Variants in APP observed in about 807,000 individuals in gnomAD.
APP encodes the protein amyloid-beta precursor protein.
A neutral mutation model predicts 101.4 loss-of-function variants in APP; 31 were observed. That is an observed-to-expected ratio of 0.31 (90% CI 0.23 to 0.41). APP has a LOEUF of 0.41. APP is among the 10% of genes least tolerant of loss of function. APP has a pLI of 1.00. For synonymous variants in APP, 366 were observed against 364.4 expected, an observed-to-expected ratio of 1.00 and a Z score of -0.05; for missense variants, 839 against 1,003.7, an observed-to-expected ratio of 0.84 and a Z score of 2.22.
intron 16 of APP, among the ~76,000 whole-genome samples, chr21:25,895,595 C>T (rs1206387125): frequency 6.6e-6 from 1 of 152,128 alleles, no homozygotes; most frequent in Non-Finnish European, 1.5e-5. Context: ...TCAATTTAGC[C>T]TCAAGGTAGT....
At chr21:25,989,728 T>A (rs575683882) in intron 8 of APP, among the ~76,000 whole-genome samples, 1 of 152,190 alleles carries the variant, frequency 6.6e-6, no homozygotes, top group Non-Finnish European at 1.5e-5. Context: ...TGCCTTATCA[T>A]TGAAAATGCT....
intron 13 of APP, chr21:25,945,779 C>G (rs777082494): frequency 4.9e-6 from 2 of 412,222 alleles, no homozygotes; most frequent in Non-Finnish European, 9.8e-6. Flanking sequence ...CCTCAGCCAC[C>G]CCAGGCTCAG....
rs576459998 is a variant in APP, at chr21:26,000,243, T to C, written c.866-61A>G. 351 of 1,597,168 alleles carry C rather than the reference T, an allele frequency of 2.2e-4. 2 individuals are homozygous for C. The South Asian group carries it at 3.4e-3, about 16-fold the overall frequency. Reference sequence around the variant, plus strand: ...TGAAAAGGCACTGTCTCTCTGTTCATGTATACACGTTTACTTCTTTTAATC... The same window carrying C: ...TGAAAAGGCACTGTCTCTCTGTTCACGTATACACGTTTACTTCTTTTAATC... On this transcript the variant is annotated intron_variant, in intron 6 of 17. Coordinates refer to ENST00000346798, the MANE Select transcript of APP (RefSeq NM_000484.4).
rs45573637 is a variant in APP at position 25,891,184 on chromosome 21, G to A, written c.2211+538C>T. Among the ~76,000 whole-genome samples, 805 of 151,572 alleles carry A rather than the reference G, an allele frequency of 5.3e-3. 11 individuals are homozygous for A. Among genetic ancestry groups the A allele is most frequent in the African/African-American group, 0.018 (753 of 40,894 alleles). ...GAACTCTCAAATAACAATCATGTAT[G>A]TTTTGGTGGGCCATTTGGTATAGTG... On this transcript the variant is annotated intron_variant, in intron 17 of 17. Transcript: ENST00000346798.
rs866145781 is a variant in APP at position 26,059,060 on chromosome 21, G to C, written c.356-5712C>G. 3.3e-5 allele frequency among the ~76,000 whole-genome samples: 5 copies of C among 150,950 alleles called. No homozygotes were observed. The East Asian group carries it at 7.8e-4, about 24-fold the overall frequency. On this transcript the variant is annotated intron_variant, in intron 3 of 17. Transcript: ENST00000346798. The stretch of plus-strand genomic sequence containing the variant: ...CGCGCCACTGCACTCCAGCCTGGGC[G>C]ACAGAGCGAGACTCCGTCTCAAAAA...
chr21:26,139,903 C>T (rs2063003094), intron 1 of APP, among the ~76,000 whole-genome samples: 1 of 151,930 alleles, frequency 6.6e-6, no homozygotes, highest in African/African-American at 2.4e-5. Flanking sequence ...AACAAACAAA[C>T]AAACAAACAA....
At chr21:26,026,977 G>A (rs2044606976) in intron 5 of APP, among the ~76,000 whole-genome samples, 1 of 152,188 alleles carries the variant, frequency 6.6e-6, no homozygotes, top group African/African-American at 2.4e-5. Flanking sequence ...AGTACCTTCT[G>A]CCTAATTTTG....
chr21:26,124,669 T>A (rs1447098468), intron 1 of APP, among the ~76,000 whole-genome samples: 1 of 152,204 alleles, frequency 6.6e-6, no homozygotes, highest in African/African-American at 2.4e-5. Flanking sequence ...TGTACAAAAA[T>A]ACAGCTGAAA....
chr21:26,010,450 C>G (rs988209833), intron 6 of APP, among the ~76,000 whole-genome samples: 3 of 151,864 alleles, frequency 2.0e-5, no homozygotes, highest in African/African-American at 7.3e-5. Flanking sequence ...TTTTCTTATA[C>G]AATAAAAAAT....
intron 13 of APP, among the ~76,000 whole-genome samples, chr21:25,938,660 T>G (rs965693626): frequency 3.3e-5 from 5 of 152,198 alleles, no homozygotes; most frequent in African/African-American, 9.6e-5. Flanking sequence ...GTGCTTCACT[T>G]GGCCCCAATT....
intron 11 of APP, among the ~76,000 whole-genome samples, chr21:25,970,640 A>C (rs1271718489): frequency 6.6e-6 from 1 of 152,158 alleles, no homozygotes; most frequent in African/African-American, 2.4e-5. Flanking sequence ...GCTAATATGA[A>C]TATTCTTTTT....
chr21:26,027,559 G>A (rs904167719), intron 5 of APP, among the ~76,000 whole-genome samples: 2 of 152,066 alleles, frequency 1.3e-5, no homozygotes, highest in Non-Finnish European at 2.9e-5. Context: ...AAACACAAGG[G>A]GACACATCAC....
intron 3 of APP, among the ~76,000 whole-genome samples, chr21:26,084,226 C>CTTTTTT (rs2061654933): frequency 9.2e-6 from 1 of 108,508 alleles, no homozygotes; most frequent in Non-Finnish European, 1.9e-5. Flanking sequence ...AGAAGGGCTC[C>CTTTTTT]ATTTTTTTTT....
At chr21:26,020,806 G>T (rs905553713) in intron 6 of APP, among the ~76,000 whole-genome samples, 6 of 152,094 alleles carry the variant, frequency 3.9e-5, no homozygotes, top group African/African-American at 9.7e-5. Flanking sequence ...GTAACATTTG[G>T]TCATTTAATA....
At chr21:25,926,306 A>C (rs567340791) in intron 13 of APP, among the ~76,000 whole-genome samples, 2 of 152,348 alleles carry the variant, frequency 1.3e-5, no homozygotes, top group Non-Finnish European at 2.9e-5. Flanking sequence ...CTAGTGAGTA[A>C]ATATACTAAA....
chr21:26,077,776 A>G (rs1439712726), intron 3 of APP, among the ~76,000 whole-genome samples: 1 of 122,780 alleles, frequency 8.1e-6, no homozygotes, highest in Non-Finnish European at 1.8e-5. Context: ...CAGGAGAAGG[A>G]AAAAAAAAAA....
intron 16 of APP, among the ~76,000 whole-genome samples, chr21:25,897,313 A>C (rs550503401): frequency 6.6e-6 from 1 of 152,120 alleles, no homozygotes; most frequent in African/African-American, 2.4e-5. Flanking sequence ...ATGGGGTTTC[A>C]CCATATTGGC....
chr21:26,124,523 A>G (rs1437649480), intron 1 of APP, among the ~76,000 whole-genome samples: 1 of 152,236 alleles, frequency 6.6e-6, no homozygotes, highest in East Asian at 1.9e-4. Flanking sequence ...TCCAAGAATT[A>G]CATAAACAGT....
intron 3 of APP, among the ~76,000 whole-genome samples, chr21:26,074,646 G>A (rs1334361150): frequency 1.3e-5 from 2 of 152,112 alleles, no homozygotes; most frequent in Admixed American, 6.5e-5. Context: ...AGCTACTTGG[G>A]TGGCTGAGGC....
Sources: gnomAD v4.1 joint callset for allele counts (sites outside exome capture counted in the v4.1 genomes callset) on GRCh38, gnomAD v4.1.1 for gene constraint, MANE v1.5 for transcripts, NCBI Gene and HGNC (gene_info 2026-07-23, HGNC 2026-07-21) for gene names.